The following ENTREP2 variants were observed in gnomAD, a reference collection of about 807,000 sequenced individuals.
The protein encoded by ENTREP2 is protein ENTREP2.
At chr15:29,528,694 G>A in the ENTREP2 span, among the ~76,000 whole-genome samples, 1 of 149,360 alleles carries the variant, frequency 6.7e-6, no homozygotes, top group Admixed American at 6.6e-5. Flanking sequence ...CTAGATAGTA[G>A]GATTAGCTCC....
chr15:29,356,285 TATATATATATA>T, the ENTREP2 span, among the ~76,000 whole-genome samples: 124 of 56,972 alleles, frequency 2.2e-3, 2 homozygotes, highest in African/African-American at 9.9e-3. Flanking sequence ...TATATATATA[TATATATATATA>T]TTTTTTTTTT....
the ENTREP2 span, among the ~76,000 whole-genome samples, chr15:29,132,904 G>C: frequency 3.9e-5 from 6 of 152,140 alleles, no homozygotes; most frequent in African/African-American, 4.8e-5. Context: ...GCCAGTCCCA[G>C]TGCAGAGCCG....
the ENTREP2 span, among the ~76,000 whole-genome samples, chr15:29,629,227 T>C: frequency 2.6e-5 from 4 of 152,206 alleles, no homozygotes; most frequent in South Asian, 8.3e-4. Flanking sequence ...GGTCATTTTT[T>C]AATCCATTCT....
the ENTREP2 span, among the ~76,000 whole-genome samples, chr15:29,174,207 T>C: frequency 6.6e-6 from 1 of 152,250 alleles, no homozygotes; most frequent in African/African-American, 2.4e-5. Flanking sequence ...GGAGACCCCC[T>C]GGGTCACTGC....
chr15:29,324,250 C>T, the ENTREP2 span, among the ~76,000 whole-genome samples: 1 of 152,016 alleles, frequency 6.6e-6, no homozygotes, highest in Non-Finnish European at 1.5e-5. Flanking sequence ...TACAGGCACA[C>T]ATCTAGCTAT....
chr15:29,601,653 T>C, the ENTREP2 span, among the ~76,000 whole-genome samples: 3 of 152,214 alleles, frequency 2.0e-5, no homozygotes, highest in Non-Finnish European at 4.4e-5. Context: ...TCCATTTACA[T>C]CCCATTCAAA....
chr15:29,321,928 G>A, the ENTREP2 span, among the ~76,000 whole-genome samples: 36 of 151,674 alleles, frequency 2.4e-4, no homozygotes, highest in African/African-American at 7.3e-4. Context: ...TATGGCACAC[G>A]TTTACCCATG....
the ENTREP2 span, among the ~76,000 whole-genome samples, chr15:29,427,315 T>A: frequency 6.6e-6 from 1 of 152,178 alleles, no homozygotes; most frequent in Non-Finnish European, 1.5e-5. Context: ...AAACGAAGAC[T>A]GCCTGAGCCC....
At chr15:29,521,355 G>T in the ENTREP2 span, among the ~76,000 whole-genome samples, 1 of 152,138 alleles carries the variant, frequency 6.6e-6, no homozygotes, top group South Asian at 2.1e-4. Flanking sequence ...TGAAGAAGAG[G>T]AACAAAGAGA....
chr15:29,185,544 G>A, the ENTREP2 span, among the ~76,000 whole-genome samples: 2 of 151,914 alleles, frequency 1.3e-5, no homozygotes, highest in East Asian at 3.9e-4. Flanking sequence ...TCTTTTCCAC[G>A]GCCCCTTCTT....
At chr15:29,467,581 T>C in the ENTREP2 span, among the ~76,000 whole-genome samples, 1 of 152,148 alleles carries the variant, frequency 6.6e-6, no homozygotes, top group African/African-American at 2.4e-5. Context: ...GGTTGGGCTG[T>C]CCTAGTTATA....
chr15:29,594,928 C>T, the ENTREP2 span, among the ~76,000 whole-genome samples: 1 of 151,784 alleles, frequency 6.6e-6, no homozygotes, highest in Non-Finnish European at 1.5e-5. Context: ...ATTAGCCGGG[C>T]GTGGTGGCAG....
the ENTREP2 span, among the ~76,000 whole-genome samples, chr15:29,573,062 G>T: frequency 6.6e-6 from 1 of 152,186 alleles, no homozygotes. Context: ...GAATTAAACA[G>T]AAGGGGGAGC....
At chr15:29,232,729 A>T in the ENTREP2 span, among the ~76,000 whole-genome samples, 1 of 151,914 alleles carries the variant, frequency 6.6e-6, no homozygotes, top group Non-Finnish European at 1.5e-5. Flanking sequence ...GGCTGGTCTC[A>T]AACTTCTGGG....
At chr15:29,633,346 T>C in the ENTREP2 span, among the ~76,000 whole-genome samples, 1 of 152,144 alleles carries the variant, frequency 6.6e-6, no homozygotes, top group African/African-American at 2.4e-5. Context: ...TTCCAACTTT[T>C]GAAAGAAAAG....
At chr15:29,661,833 G>T in the ENTREP2 span, among the ~76,000 whole-genome samples, 1 of 152,036 alleles carries the variant, frequency 6.6e-6, no homozygotes, top group African/African-American at 2.4e-5. Flanking sequence ...CAATACAAAC[G>T]TAGTCAGTGA....
chr15:29,163,232 G>A, the ENTREP2 span, among the ~76,000 whole-genome samples: 5 of 152,038 alleles, frequency 3.3e-5, no homozygotes, highest in African/African-American at 1.2e-4. Flanking sequence ...ACCAATGCTG[G>A]TAATATGACA....
chr15:29,356,448 G>A, the ENTREP2 span, among the ~76,000 whole-genome samples: 3 of 150,356 alleles, frequency 2.0e-5, no homozygotes, highest in African/African-American at 7.3e-5. Flanking sequence ...TGGGACCACA[G>A]GCGACCACTA....
the ENTREP2 span, among the ~76,000 whole-genome samples, chr15:29,628,530 G>A: frequency 3.3e-5 from 5 of 152,178 alleles, no homozygotes; most frequent in African/African-American, 1.2e-4. Flanking sequence ...ATTAGATCAT[G>A]TTGATTGATG....
Sources: gnomAD v4.1 joint callset for allele counts (sites outside exome capture counted in the v4.1 genomes callset) on GRCh38, gnomAD v4.1.1 for gene constraint, MANE v1.5 for transcripts, NCBI Gene and HGNC (gene_info 2026-07-23, HGNC 2026-07-21) for gene names.